Variants in HCN1 observed in about 807,000 individuals in gnomAD.
HCN1 encodes the protein hyperpolarization activated cyclic nucleotide gated potassium channel 1.
Under a neutral mutation model 78.9 loss-of-function variants are expected in HCN1, and 13 were observed. The ratio of observed to expected loss-of-function variants is 0.16; its 90% confidence interval spans 0.11 to 0.26. The LOEUF (loss-of-function observed/expected upper bound fraction) is 0.26. Ranked by LOEUF, HCN1 falls within the 10% of genes least tolerant of loss-of-function variation. The pLI is 1.00. For synonymous variants in HCN1, 552 were observed against 455.5 expected, an observed-to-expected ratio of 1.21 and a Z score of -2.70; for missense variants, 810 against 1,154.3, an observed-to-expected ratio of 0.70 and a Z score of 4.32.
chr5:45,372,898 C>A (rs1050056819), intron 4 of HCN1, among the ~76,000 whole-genome samples: 1 of 138,626 alleles, frequency 7.2e-6, no homozygotes, highest in Non-Finnish European at 1.5e-5. Context: ...AAAATATGTA[C>A]GTATTCTATA....
In HCN1 at chr5:45,576,351, GA is replaced by G. The variant is rs1295013665; in HGVS notation, c.849+68833del. On this transcript the variant is annotated intron_variant, in intron 2 of 7. Coordinates refer to ENST00000303230, the MANE Select transcript of HCN1 (RefSeq NM_021072.4). ...TTACATAAACTTATTTAATGAAGCA[GA>G]AGCAGAGGCAGTGTTTAAGAAGACT... 2.0e-5 allele frequency: 3 copies of G among 152,282 alleles called. No individual in the cohort carries two copies. In the East Asian group the frequency reaches 5.8e-4, roughly 29 times the overall value. The allele number at this position is 152,282 out of a possible 1,614,324, so 9.4% of individuals were successfully genotyped here.
At chr5:45,267,312 T>A in intron 6 of HCN1, 59 bp from the exon 7 acceptor site, 3 of 1,517,416 alleles carry the variant, frequency 2.0e-6, no homozygotes, top group Non-Finnish European at 2.7e-6. Flanking sequence ...TTAAAAGCCA[T>A]TAAGGCTTCC....
chr5:45,331,285 A>T (rs559729879), intron 5 of HCN1, among the ~76,000 whole-genome samples: 8 of 151,212 alleles, frequency 5.3e-5, no homozygotes, highest in African/African-American at 1.7e-4. Flanking sequence ...TGGGTTCTTA[A>T]GTGTTTTACT....
rs1378061263 is a variant in HCN1, at chr5:45,376,031, TATA to T, written c.1230+20458_1230+20460del. Among the ~76,000 whole-genome samples the T allele has an allele frequency of 4.2e-3, 477 of 114,130 alleles. 2 individuals carry two copies. The highest frequency in any genetic ancestry group is 0.013 in the Admixed American group (114 of 8,854). 74.9% of individuals were successfully genotyped at this position (114,130 alleles called of 152,430 possible). Reference sequence around the variant, plus strand: ...ATATTTTATCATATACAATCTATAATATAATATTTTATAATATATATTATATAC... The same window carrying T: ...ATATTTTATCATATACAATCTATAATATATTTTATAATATATATTATATAC... On this transcript the variant is annotated intron_variant, in intron 4 of 7. Coordinates refer to ENST00000303230, the MANE Select transcript of HCN1 (RefSeq NM_021072.4).
chr5:45,396,743 G>A (rs1467765440), intron 3 of HCN1, 33 bp from the exon 4 acceptor site: 18 of 1,546,480 alleles, frequency 1.2e-5, no homozygotes, highest in Non-Finnish European at 1.6e-5. Flanking sequence ...AATTGACTGA[G>A]CCATTAGGAT....
chr5:45,546,540 T>C (rs1398188951), intron 2 of HCN1, among the ~76,000 whole-genome samples: 1 of 151,932 alleles, frequency 6.6e-6, no homozygotes. Context: ...TTAAGACTGA[T>C]GATTCCCTAA....
chr5:45,408,941 A>G (rs1739977052), intron 3 of HCN1, among the ~76,000 whole-genome samples: 1 of 152,164 alleles, frequency 6.6e-6, no homozygotes, highest in African/African-American at 2.4e-5. Context: ...GTCTTTAATC[A>G]TATGTGTAGT....
chr5:45,308,366 T>C (rs1745780274), intron 5 of HCN1, among the ~76,000 whole-genome samples: 1 of 152,142 alleles, frequency 6.6e-6, no homozygotes, highest in Non-Finnish European at 1.5e-5. Flanking sequence ...AATATAAAAT[T>C]ATTCTGAAAA....
intron 5 of HCN1, among the ~76,000 whole-genome samples, chr5:45,351,768 A>T (rs1487513439): frequency 2.7e-5 from 4 of 150,572 alleles, no homozygotes; most frequent in African/African-American, 9.9e-5. Context: ...CAAAAAACAC[A>T]TGAAAAAATG....
At chr5:45,608,363 G>GTT (rs1267669826) in intron 2 of HCN1, among the ~76,000 whole-genome samples, 1 of 150,100 alleles carries the variant, frequency 6.7e-6, no homozygotes. Flanking sequence ...GTGTATGTGT[G>GTT]TGTGTGTGTG....
At chr5:45,560,274 T>C (rs1179322757) in intron 2 of HCN1, among the ~76,000 whole-genome samples, 1 of 152,136 alleles carries the variant, frequency 6.6e-6, no homozygotes, top group Non-Finnish European at 1.5e-5. Context: ...TTTGATAATA[T>C]GTTAATTCCT....
chr5:45,681,440 C>A (rs1739700581), intron 1 of HCN1, among the ~76,000 whole-genome samples: 1 of 151,928 alleles, frequency 6.6e-6, no homozygotes, highest in South Asian at 2.1e-4. Flanking sequence ...ACTTCAATTT[C>A]CTTTACTAAG....
intron 3 of HCN1, among the ~76,000 whole-genome samples, chr5:45,402,465 G>A (rs1739834821): frequency 6.6e-6 from 1 of 152,110 alleles, no homozygotes; most frequent in African/African-American, 2.4e-5. Context: ...CAGTTCAGAG[G>A]AGACTCCCTC....
chr5:45,478,472 G>A (rs897467478), intron 2 of HCN1, among the ~76,000 whole-genome samples: 1 of 152,178 alleles, frequency 6.6e-6, no homozygotes, highest in Non-Finnish European at 1.5e-5. Flanking sequence ...AGGAACAAGG[G>A]TTTGAGCACC....
At chr5:45,430,189 G>T (rs908586350) in intron 3 of HCN1, among the ~76,000 whole-genome samples, 2 of 152,110 alleles carry the variant, frequency 1.3e-5, no homozygotes, top group African/African-American at 4.8e-5. Flanking sequence ...ATTACAGAAA[G>T]AATAGGTAAC....
intron 2 of HCN1, among the ~76,000 whole-genome samples, chr5:45,550,974 C>T (rs1054565975): frequency 5.9e-5 from 9 of 151,756 alleles, no homozygotes; most frequent in East Asian, 1.9e-4. Flanking sequence ...TAGAGAAAAC[C>T]GATCATACTA....
At chr5:45,287,080 C>T (rs144922594) in intron 6 of HCN1, among the ~76,000 whole-genome samples, 117 of 148,244 alleles carry the variant, frequency 7.9e-4, no homozygotes, top group Middle Eastern at 3.5e-3. Context: ...AGAAGGTATG[C>T]GTGTGTGTGT....
chr5:45,656,650 T>A (rs1227459087), intron 1 of HCN1, among the ~76,000 whole-genome samples: 3 of 152,110 alleles, frequency 2.0e-5, no homozygotes, highest in Admixed American at 1.3e-4. Context: ...ATCCCAAGAG[T>A]TTGCTCCTAA....
At chr5:45,352,885 A>G (rs1042046111) in intron 5 of HCN1, among the ~76,000 whole-genome samples, 3 of 152,212 alleles carry the variant, frequency 2.0e-5, no homozygotes, top group African/African-American at 4.8e-5. Flanking sequence ...AATACAGACA[A>G]GAGAACAGTT....
Sources: allele counts gnomAD v4.1 joint callset (sites outside exome capture counted in the v4.1 genomes callset), GRCh38; gene constraint gnomAD v4.1.1; transcripts MANE v1.5; gene names NCBI Gene and HGNC (gene_info 2026-07-23, HGNC 2026-07-21).